TRPC4: variants seen among roughly 807,000 people sequenced by gnomAD.
TRPC4 encodes the protein transient receptor potential cation channel subfamily C member 4, also known as short transient receptor potential channel 4.
A neutral mutation model predicts 99.4 loss-of-function variants in TRPC4; 49 were observed. The observed-to-expected ratio is 0.49, with a 90% confidence interval of 0.39 to 0.63. The LOEUF (loss-of-function observed/expected upper bound fraction) is 0.63, where lower values mean the gene tolerates loss of function less well. Among genes scored for constraint, TRPC4 ranks in the 20% least tolerant of loss-of-function variants. TRPC4 has a pLI of 0.00. For synonymous variants in TRPC4, 454 were observed against 425.9 expected (o/e 1.07, Z -0.81); for missense variants, 898 against 1,152.9 (o/e 0.78, Z 3.20).
chr13:37,655,341 A>T, intron 6 of TRPC4, 58 bp from the exon 7 acceptor site: 1 of 945,582 alleles, frequency 1.1e-6, no homozygotes, highest in Non-Finnish European at 1.4e-6. Flanking sequence ...TATACATGGG[A>T]TAAAACAATA....
At chr13:37,835,136 T>A (rs1329252594) in intron 1 of TRPC4, among the ~76,000 whole-genome samples, 1 of 152,142 alleles carries the variant, frequency 6.6e-6, no homozygotes, top group Non-Finnish European at 1.5e-5. Context: ...TTTGCCAATA[T>A]GAAACCTGTT....
intron 1 of TRPC4, among the ~76,000 whole-genome samples, chr13:37,818,367 T>G (rs1593250632): frequency 6.6e-6 from 1 of 152,196 alleles, no homozygotes; most frequent in East Asian, 1.9e-4. Context: ...TGTAAATTAG[T>G]TCAACCATTG....
intron 5 of TRPC4, among the ~76,000 whole-genome samples, chr13:37,667,597 G>A (rs1297006632): frequency 2.0e-5 from 3 of 152,072 alleles, no homozygotes; most frequent in South Asian, 4.1e-4. Context: ...CATTAGCCAC[G>A]GCACCCAGCC....
intron 1 of TRPC4, among the ~76,000 whole-genome samples, chr13:37,810,443 T>C (rs1430067646): frequency 6.6e-6 from 1 of 152,032 alleles, no homozygotes; most frequent in Non-Finnish European, 1.5e-5. Context: ...TACTAAATAT[T>C]ATATTATAAC....
intron 3 of TRPC4, among the ~76,000 whole-genome samples, chr13:37,711,521 C>T (rs888217414): frequency 3.0e-4 from 45 of 151,764 alleles, no homozygotes; most frequent in Admixed American, 2.3e-3. Flanking sequence ...CCTGTGCTCC[C>T]AGAATAAATG....
chr13:37,783,681 A>T (rs1256842733), intron 1 of TRPC4, among the ~76,000 whole-genome samples: 2 of 152,232 alleles, frequency 1.3e-5, no homozygotes, highest in African/African-American at 4.8e-5. Flanking sequence ...TCGTAATTAT[A>T]TATAGTTTTC....
intron 8 of TRPC4, among the ~76,000 whole-genome samples, chr13:37,650,604 T>A (rs1566068058): frequency 1.7e-5 from 1 of 59,272 alleles, no homozygotes; most frequent in Non-Finnish European, 3.6e-5. Context: ...TCTCTCTCTC[T>A]CTCTCTATAC....
intron 1 of TRPC4, among the ~76,000 whole-genome samples, chr13:37,799,939 C>G (rs662478): frequency 1.3e-5 from 2 of 152,134 alleles, no homozygotes. Flanking sequence ...CTCTAAGTCT[C>G]TCTCTGTGTG....
intron 1 of TRPC4, among the ~76,000 whole-genome samples, chr13:37,818,378 G>A (rs1957922443): frequency 6.6e-6 from 1 of 151,838 alleles, no homozygotes; most frequent in South Asian, 2.1e-4. Flanking sequence ...TCAACCATTG[G>A]GGAAGACAGT....
rs1555278022 is a variant in TRPC4 at position 37,821,233 on chromosome 13, A to ACACAC, written c.-27-37874_-27-37873insGTGTG. 5.4e-5 allele frequency among the ~76,000 whole-genome samples: 5 copies of ACACAC among 91,900 alleles called. No individual in the cohort carries two copies. The South Asian group carries it at 1.2e-3, about 22-fold the overall frequency. The allele number at this position is 91,900 out of a possible 152,430, so 60.3% of individuals were successfully genotyped here. Reference sequence around the variant, plus strand: ...ACACACACACACACACACACACACAAATACCTAGGAATACAGCTGACCAGG... The same window carrying ACACAC: ...ACACACACACACACACACACACACAACACACATACCTAGGAATACAGCTGACCAGG... On this transcript the variant is annotated intron_variant, in intron 1 of 10. Transcript: ENST00000379705.
At chr13:37,711,959 T>A (rs1288853156) in intron 3 of TRPC4, among the ~76,000 whole-genome samples, 1 of 152,064 alleles carries the variant, frequency 6.6e-6, no homozygotes, top group Non-Finnish European at 1.5e-5. Context: ...TATTTTGCAT[T>A]CTTTTCCTTT....
chr13:37,674,528 A>G (rs567010570), intron 4 of TRPC4, among the ~76,000 whole-genome samples, 161 bp from the exon 5 acceptor site: 1 of 152,322 alleles, frequency 6.6e-6, no homozygotes, highest in East Asian at 1.9e-4. Context: ...AGTCCCAGCC[A>G]TACTTTAAGA....
intron 1 of TRPC4, among the ~76,000 whole-genome samples, chr13:37,844,798 C>G (rs1958847263): frequency 6.6e-6 from 1 of 152,192 alleles, no homozygotes; most frequent in Non-Finnish European, 1.5e-5. Context: ...TCACATTAAG[C>G]CAGCAGGCAA....
At chr13:37,815,818 T>A (rs1957837266) in intron 1 of TRPC4, among the ~76,000 whole-genome samples, 1 of 151,876 alleles carries the variant, frequency 6.6e-6, no homozygotes, top group South Asian at 2.1e-4. Context: ...ATATACATTC[T>A]TCTCATATGC....
At chr13:37,822,048 G>A (rs1257045383) in intron 1 of TRPC4, among the ~76,000 whole-genome samples, 1 of 151,692 alleles carries the variant, frequency 6.6e-6, no homozygotes, top group Non-Finnish European at 1.5e-5. Flanking sequence ...GAAAATATTT[G>A]AAAAAAATGC....
intron 3 of TRPC4, among the ~76,000 whole-genome samples, chr13:37,737,867 C>A (rs1435558912): frequency 1.3e-5 from 2 of 151,946 alleles, no homozygotes; most frequent in East Asian, 3.9e-4. Context: ...GTTCTTATAC[C>A]CTTAGATGAT....
In TRPC4 at chr13:37,742,522, A is replaced by G. The variant is rs377080814; in HGVS notation, c.897+3415T>C. 4.2e-4 allele frequency among the ~76,000 whole-genome samples: 64 copies of G among 152,248 alleles called. 1 individual carries two copies. Among genetic ancestry groups the G allele is most frequent in the African/African-American group, 1.5e-3 (61 of 41,572 alleles). The stretch of plus-strand genomic sequence containing the variant: ...GATGGAAAAGTAATAACACAATGCA[A>G]TATAGGGTGTGTATAATGAGGACAT... On this transcript the variant is annotated intron_variant, in intron 3 of 10. Transcript: ENST00000379705.
At chr13:37,866,632 G>T (rs1320750782) in intron 1 of TRPC4, among the ~76,000 whole-genome samples, 2 of 151,572 alleles carry the variant, frequency 1.3e-5, no homozygotes, top group African/African-American at 4.8e-5. Context: ...CTATATTTGT[G>T]CTGATTAAAA....
chr13:37,812,174 AT>A, intron 1 of TRPC4, among the ~76,000 whole-genome samples: 1 of 134,692 alleles, frequency 7.4e-6, no homozygotes, highest in African/African-American at 2.8e-5. Context: ...CTGAGACTCT[AT>A]CAAAAAAAAA....
Sources: allele counts gnomAD v4.1 joint callset (sites outside exome capture counted in the v4.1 genomes callset), GRCh38; gene constraint gnomAD v4.1.1; transcripts MANE v1.5; gene names NCBI Gene and HGNC (gene_info 2026-07-23, HGNC 2026-07-21).